CACNA2D3: variants seen among roughly 807,000 people sequenced by gnomAD.
CACNA2D3 encodes calcium voltage-gated channel auxiliary subunit alpha2delta 3, also known as voltage-dependent calcium channel subunit alpha-2/delta-3.
CACNA2D3 carries 60 observed loss-of-function variants against 160.6 expected under a neutral mutation model. That is an observed-to-expected ratio of 0.37 (90% CI 0.30 to 0.46). The LOEUF is 0.46. CACNA2D3 is among the 20% of genes least tolerant of loss of function. CACNA2D3 has a pLI of 1.00. For missense variants in CACNA2D3, 1,205 were observed against 1,365.0 expected (o/e 0.88, Z 1.85); for synonymous variants, 558 against 492.9 (o/e 1.13, Z -1.75).
intron 2 of CACNA2D3, among the ~76,000 whole-genome samples, chr3:54,244,139 C>T (rs141291624): frequency 3.3e-5 from 5 of 152,318 alleles, no homozygotes; most frequent in African/African-American, 1.2e-4. Flanking sequence ...TACCACAGCA[C>T]TGCGACCGTG....
At chr3:54,999,350 C>CT (rs949546961) in intron 31 of CACNA2D3, among the ~76,000 whole-genome samples, 5 of 152,180 alleles carry the variant, frequency 3.3e-5, no homozygotes, top group African/African-American at 1.2e-4. Flanking sequence ...TAAGAATTTC[C>CT]TATGTTCCTC....
At chr3:54,685,790 GTTGT>G (rs1409269481) in intron 11 of CACNA2D3, among the ~76,000 whole-genome samples, 1 of 152,202 alleles carries the variant, frequency 6.6e-6, no homozygotes, top group East Asian at 1.9e-4. Context: ...TGTTTTGGGA[GTTGT>G]TTTCTTTGGC....
chr3:54,218,012 C>T (rs554882541), intron 2 of CACNA2D3, among the ~76,000 whole-genome samples: 7 of 150,554 alleles, frequency 4.6e-5, no homozygotes, highest in South Asian at 2.1e-4. Context: ...GAGGTGTATT[C>T]GGGAGAGAGA....
intron 11 of CACNA2D3, among the ~76,000 whole-genome samples, chr3:54,678,720 C>CAAAAAA (rs71096434): frequency 0.051 from 2,363 of 45,906 alleles, 648 homozygotes; most frequent in Admixed American, 0.093. Context: ...GACTCGGTCT[C>CAAAAAA]AAAAAAAAAA....
intron 13 of CACNA2D3, among the ~76,000 whole-genome samples, chr3:54,768,421 C>T (rs899164777): frequency 2.0e-5 from 3 of 152,116 alleles, no homozygotes; most frequent in African/African-American, 4.8e-5. Context: ...TGATGCCTTG[C>T]TTTAGGTAAT....
chr3:54,773,126 C>A (rs1216835816), intron 13 of CACNA2D3, among the ~76,000 whole-genome samples: 1 of 152,190 alleles, frequency 6.6e-6, no homozygotes, highest in African/African-American at 2.4e-5. Flanking sequence ...CAAATTGGAC[C>A]TGTATCCCTC....
At chr3:54,290,239 G>A (rs1485182825) in intron 2 of CACNA2D3, among the ~76,000 whole-genome samples, 1 of 152,210 alleles carries the variant, frequency 6.6e-6, no homozygotes, top group Admixed American at 6.5e-5. Context: ...CCATCAGAAA[G>A]TGGGCGAAGG....
At chr3:54,891,281 T>G in intron 24 of CACNA2D3, 74 bp from the exon 25 acceptor site, 3 of 984,846 alleles carry the variant, frequency 3.0e-6, no homozygotes, top group Non-Finnish European at 4.7e-6. Flanking sequence ...AAACATTCTG[T>G]GAGTCTTAAA....
intron 8 of CACNA2D3, 87 bp from the exon 9 acceptor site, chr3:54,581,716 T>A: frequency 9.4e-7 from 1 of 1,062,324 alleles, no homozygotes; most frequent in Non-Finnish European, 1.4e-6. Context: ...GCCGCTTTTT[T>A]GTTTGTGTGC....
At chr3:55,018,763 T>C (rs1222809541) in intron 35 of CACNA2D3, among the ~76,000 whole-genome samples, 1 of 152,136 alleles carries the variant, frequency 6.6e-6, no homozygotes, top group Admixed American at 6.5e-5. Context: ...GAGCCTCTTT[T>C]AATGGCTTTA....
chr3:54,500,647 C>T (rs1207405863), intron 4 of CACNA2D3, among the ~76,000 whole-genome samples: 2 of 149,594 alleles, frequency 1.3e-5, no homozygotes, highest in African/African-American at 2.5e-5. Context: ...TTTCTGCCTT[C>T]TCTAGTTTTA....
intron 2 of CACNA2D3, among the ~76,000 whole-genome samples, chr3:54,170,612 G>C (rs931128976): frequency 1.3e-5 from 2 of 151,958 alleles, no homozygotes; most frequent in African/African-American, 4.8e-5. Context: ...CTTCCTCCCT[G>C]ACTACCTCCC....
chr3:54,834,771 T>C lies in CACNA2D3; in HGVS notation c.1399-2388T>C, dbSNP rs577175287. Among the ~76,000 whole-genome samples, 6 of 152,264 alleles carry C rather than the reference T, an allele frequency of 3.9e-5. No homozygotes were observed. The East Asian group carries it at 5.8e-4, about 15-fold the overall frequency. On this transcript the variant is annotated intron_variant, in intron 14 of 37. Transcript: ENST00000474759. ...GTGGGGAGGAATTTAGTTTAAGGAATTGGGTTACACAATTGTGGGGCTGGC... is the reference window on the plus strand; with the variant it reads ...GTGGGGAGGAATTTAGTTTAAGGAACTGGGTTACACAATTGTGGGGCTGGC...
In CACNA2D3 at chr3:54,386,655, G is replaced by A. The variant is rs928660337; in HGVS notation, c.322-60G>A. ...GTCACTTTTGGTCAATGGAGAAATGGGGTTCAGGCCACAATTCTGATCCTT... is the reference window on the plus strand; with the variant it reads ...GTCACTTTTGGTCAATGGAGAAATGAGGTTCAGGCCACAATTCTGATCCTT... On this transcript the variant is annotated intron_variant, in intron 3 of 37. Transcript: ENST00000474759. The A allele has an allele frequency of 8.3e-6, 12 of 1,449,562 alleles. No individual in the cohort carries two copies. The African/African-American group carries it at 1.3e-4, about 16-fold the overall frequency. 89.8% of individuals were successfully genotyped at this position (1,449,562 alleles called of 1,614,324 possible).
intron 12 of CACNA2D3, among the ~76,000 whole-genome samples, chr3:54,762,907 C>T (rs945190049): frequency 4.6e-5 from 7 of 152,018 alleles, no homozygotes; most frequent in African/African-American, 7.2e-5. Context: ...CTAGCTAACA[C>T]GGTGAAACTC....
At chr3:54,461,357 G>T (rs1483774140) in intron 4 of CACNA2D3, among the ~76,000 whole-genome samples, 2 of 150,970 alleles carry the variant, frequency 1.3e-5, no homozygotes, top group Non-Finnish European at 3.0e-5. Flanking sequence ...AATGGTACCA[G>T]TTCCTCCTTG....
intron 35 of CACNA2D3, among the ~76,000 whole-genome samples, chr3:55,066,940 A>G (rs1035384471): frequency 6.6e-6 from 1 of 152,082 alleles, no homozygotes; most frequent in Non-Finnish European, 1.5e-5. Flanking sequence ...GGTGTGTTTT[A>G]TGAAGTTCAA....
At chr3:54,900,628 A>G (rs960075828) in intron 27 of CACNA2D3, among the ~76,000 whole-genome samples, 1 of 152,102 alleles carries the variant, frequency 6.6e-6, no homozygotes, top group African/African-American at 2.4e-5. Flanking sequence ...TGGGTGGGTG[A>G]TATGCTCCAA....
chr3:54,333,661 G>A (rs74531500), intron 3 of CACNA2D3, among the ~76,000 whole-genome samples: 13,528 of 151,534 alleles, frequency 0.089, 789 homozygotes, highest in South Asian at 0.13. Flanking sequence ...AAGTGCAGCC[G>A]CCTCTATTGT....
Sources: gnomAD v4.1 joint callset for allele counts (sites outside exome capture counted in the v4.1 genomes callset) on GRCh38, gnomAD v4.1.1 for gene constraint, MANE v1.5 for transcripts, NCBI Gene and HGNC (gene_info 2026-07-23, HGNC 2026-07-21) for gene names.